LHPP: variants seen among roughly 807,000 people sequenced by gnomAD.
LHPP encodes phospholysine phosphohistidine inorganic pyrophosphate phosphatase, also known as hLHPP.
LHPP carries 24 observed loss-of-function variants against 30.3 expected under a neutral mutation model. That is an observed-to-expected ratio of 0.79 (90% CI 0.57 to 1.11). The LOEUF is 1.11. Among genes scored for constraint, LHPP ranks in the 50% most tolerant of loss-of-function variants. The probability of loss-of-function intolerance (pLI) is 0.00; values close to 1 mark genes in which losing one functional copy is unlikely to be tolerated. For synonymous variants in LHPP, 150 were observed against 157.1 expected (o/e 0.95, Z 0.34); for missense variants, 356 against 367.2 (o/e 0.97, Z 0.25).
intron 6 of LHPP, among the ~76,000 whole-genome samples, chr10:124,577,199 T>C (rs1948675077): frequency 6.6e-6 from 1 of 152,096 alleles, no homozygotes; most frequent in Non-Finnish European, 1.5e-5. Flanking sequence ...CCTGAGCTTG[T>C]GCTCCCGACC....
At chr10:124,470,136 C>T (rs3067946) in intron 1 of LHPP, among the ~76,000 whole-genome samples, 31,943 of 152,122 alleles carry the variant, frequency 0.21, 4,248 homozygotes, top group Middle Eastern at 0.31. Context: ...TTGGGTTCCC[C>T]GAGGGGAGCC....
At chr10:124,552,476 C>G (rs1378904112) in intron 6 of LHPP, among the ~76,000 whole-genome samples, 2 of 152,200 alleles carry the variant, frequency 1.3e-5, no homozygotes, top group South Asian at 4.1e-4. Flanking sequence ...GCCCCTCCCC[C>G]AGACAAGGCA....
chr10:124,544,612 G>T (rs1407808687), intron 6 of LHPP, among the ~76,000 whole-genome samples: 1 of 152,238 alleles, frequency 6.6e-6, no homozygotes, highest in African/African-American at 2.4e-5. Context: ...CCTGGCACCT[G>T]TGTTTGTATT....
At chr10:124,607,047 G>GTC (rs893406417) in intron 6 of LHPP, among the ~76,000 whole-genome samples, 1 of 152,154 alleles carries the variant, frequency 6.6e-6, no homozygotes, top group African/African-American at 2.4e-5. Context: ...GTGTGGCCGT[G>GTC]TCTCTCTGTC....
intron 6 of LHPP, among the ~76,000 whole-genome samples, chr10:124,557,716 C>T (rs1376150522): frequency 6.6e-6 from 1 of 152,056 alleles, no homozygotes; most frequent in Non-Finnish European, 1.5e-5. Flanking sequence ...CCCTGCAGGG[C>T]CATTGGTGGA....
rs552243127 is a variant in LHPP at position 124,517,618 on chromosome 10, A to T, written c.716+347A>T. 7.9e-5 allele frequency among the ~76,000 whole-genome samples: 12 copies of T among 152,286 alleles called. No homozygotes were observed. Among genetic ancestry groups the T allele is most frequent in the African/African-American group, 2.9e-4 (12 of 41,572 alleles). On this transcript the variant is annotated intron_variant, in intron 6 of 6. Coordinates refer to ENST00000368842, the MANE Select transcript of LHPP (RefSeq NM_022126.4). This position sits in a 1 kb window ranked among gnomAD's most constrained non-coding sequence, Gnocchi z 4.1. ...TGGCAATTTGATCAGACCCTGCACT[A>T]CGGCAGTTACAGCTGTGGGCACTCA...
intron 6 of LHPP, among the ~76,000 whole-genome samples, chr10:124,585,816 C>T (rs1458091511): frequency 6.6e-6 from 1 of 151,826 alleles, no homozygotes; most frequent in Non-Finnish European, 1.5e-5. Context: ...GAGATAGAGT[C>T]TTGCTCTGTC....
At chr10:124,565,386 T>G (rs1235064262) in intron 6 of LHPP, among the ~76,000 whole-genome samples, 13 of 152,182 alleles carry the variant, frequency 8.5e-5, no homozygotes, top group Admixed American at 8.5e-4. Flanking sequence ...AGGCTCTCCG[T>G]GCAGGCCATA....
intron 6 of LHPP, among the ~76,000 whole-genome samples, chr10:124,608,242 C>T (rs1271295076): frequency 2.0e-5 from 3 of 152,116 alleles, no homozygotes; most frequent in Admixed American, 6.5e-5. Flanking sequence ...CCCATGTAGC[C>T]CACACATCAG....
chr10:124,495,745 G>A (rs920506184), intron 3 of LHPP, among the ~76,000 whole-genome samples: 3 of 151,868 alleles, frequency 2.0e-5, no homozygotes, highest in Non-Finnish European at 4.4e-5. Context: ...TGTCAGCCTG[G>A]GTGAAAGGTT....
chr10:124,568,144 G>A (rs1848160112), intron 6 of LHPP, among the ~76,000 whole-genome samples: 1 of 152,048 alleles, frequency 6.6e-6, no homozygotes, highest in South Asian at 2.1e-4. Context: ...TCCATCTCTC[G>A]ACCTCGTGAT....
intron 6 of LHPP, among the ~76,000 whole-genome samples, chr10:124,535,461 G>A (rs1222692840): frequency 2.0e-5 from 3 of 152,146 alleles, no homozygotes; most frequent in Non-Finnish European, 4.4e-5. Flanking sequence ...GAGTGCAGTG[G>A]TGCAATCATA....
At chr10:124,497,507 G>T (rs1953760996) in intron 4 of LHPP, among the ~76,000 whole-genome samples, 1 of 150,938 alleles carries the variant, frequency 6.6e-6, no homozygotes, top group Non-Finnish European at 1.5e-5. Context: ...CTGTGGCCAG[G>T]CCTCCGGGTG....
intron 3 of LHPP, among the ~76,000 whole-genome samples, chr10:124,495,858 C>A (rs1008962847): frequency 6.6e-6 from 1 of 152,124 alleles, no homozygotes; most frequent in African/African-American, 2.4e-5. Context: ...CACAGCAATC[C>A]GTGAGGTAGG....
chr10:124,598,275 C>T (rs1016253949), intron 6 of LHPP, among the ~76,000 whole-genome samples: 7 of 152,244 alleles, frequency 4.6e-5, no homozygotes, highest in African/African-American at 1.4e-4. Flanking sequence ...TGGGTCAGCA[C>T]CCACAGGGGC....
At chr10:124,562,840 G>A (rs1000661181) in intron 6 of LHPP, among the ~76,000 whole-genome samples, 1 of 151,766 alleles carries the variant, frequency 6.6e-6, no homozygotes, top group Non-Finnish European at 1.5e-5. Context: ...GTTGAGGTGG[G>A]AAGATCACTT....
intron 6 of LHPP, among the ~76,000 whole-genome samples, chr10:124,522,822 T>C (rs147733217): frequency 6.6e-6 from 1 of 150,658 alleles, no homozygotes; most frequent in Non-Finnish European, 1.5e-5. Flanking sequence ...GCCTGCGCCC[T>C]CCCATTCTGA....
chr10:124,547,202 G>A (rs764208384), intron 6 of LHPP, among the ~76,000 whole-genome samples: 9 of 152,130 alleles, frequency 5.9e-5, no homozygotes, highest in Non-Finnish European at 8.8e-5. Context: ...GTGAGCTGTC[G>A]TGGCGGCACA....
At position 124,576,396 on chromosome 10, in the gene LHPP, C is replaced by T. The variant is rs1342402511; in HGVS notation, c.717-36868C>T. On this transcript the variant is annotated intron_variant, in intron 6 of 6. Coordinates refer to ENST00000368842, the MANE Select transcript of LHPP (RefSeq NM_022126.4). This position sits in a 1 kb window ranked among gnomAD's most constrained non-coding sequence, Gnocchi z 4.2. ...GCCCCCAGGACCCCCCTTGCGGTAC[C>T]CGTATATCCCACCCCCAGACTCCTT... Among the ~76,000 whole-genome samples, 1 of 151,400 alleles carries T rather than the reference C, an allele frequency of 6.6e-6. No homozygotes were observed. The highest frequency in any genetic ancestry group is 6.6e-5 in the Admixed American group (1 of 15,216).
Sources: allele counts gnomAD v4.1 joint callset (sites outside exome capture counted in the v4.1 genomes callset), GRCh38; gene constraint gnomAD v4.1.1; non-coding constraint Gnocchi (gnomAD v3.1); transcripts MANE v1.5; gene names NCBI Gene and HGNC (gene_info 2026-07-23, HGNC 2026-07-21).